HPF1: variants seen among roughly 807,000 people sequenced by gnomAD.
The protein encoded by HPF1 is UPF0609 protein C4orf27.
A neutral mutation model predicts 38.8 loss-of-function variants in HPF1; 35 were observed. That is an observed-to-expected ratio of 0.90 (90% CI 0.69 to 1.19). HPF1 has a LOEUF of 1.19. HPF1 is among the 50% of genes most tolerant of loss of function. HPF1 has a pLI of 0.00. For synonymous variants in HPF1, 115 were observed against 139.2 expected, an observed-to-expected ratio of 0.83 and a Z score of 1.22; for missense variants, 367 against 405.8, an observed-to-expected ratio of 0.90 and a Z score of 0.82.
At chr4:169,733,943 T>C (rs1007446036) in intron 6 of HPF1, among the ~76,000 whole-genome samples, 5 of 151,498 alleles carry the variant, frequency 3.3e-5, no homozygotes, top group African/African-American at 4.9e-5. Flanking sequence ...AAATATACTA[T>C]ATACTAGTGC....
At chr4:169,742,593 C>T (rs551044699) in intron 4 of HPF1, among the ~76,000 whole-genome samples, 7 of 152,128 alleles carry the variant, frequency 4.6e-5, no homozygotes, top group South Asian at 2.1e-4. Flanking sequence ...GAGATCAAGA[C>T]CATCCTGGCT....
Position 169,733,264 on chromosome 4 carries a change from T to A in HPF1, c.737-1388A>T, listed in dbSNP as rs370793792. 3.3e-5 allele frequency among the ~76,000 whole-genome samples: 5 copies of A among 152,354 alleles called. No individual in the cohort carries two copies. In the South Asian group the frequency reaches 6.2e-4, roughly 19 times the overall value. On this transcript the variant is annotated intron_variant, in intron 6 of 7. Transcript: ENST00000393381. ...ATTTTTACAAATTAACATTTCAATT[T>A]TGGCTTTCAAGATTTTTTTCATTCT...
intron 6 of HPF1, among the ~76,000 whole-genome samples, chr4:169,733,098 A>G (rs1374606391): frequency 1.3e-5 from 2 of 152,260 alleles, no homozygotes; most frequent in Non-Finnish European, 2.9e-5. Context: ...AGAAAAAGAC[A>G]ACAATGTAAG....
At position 169,750,567 on chromosome 4, in the gene HPF1, T is replaced by C. The variant is rs2150293085; in HGVS notation, c.367A>G (p.Asn123Asp). 2 of 1,610,022 alleles carry C rather than the reference T, an allele frequency of 1.2e-6. No individual in the cohort carries two copies. Among genetic ancestry groups the C allele is most frequent in the Non-Finnish European group, 1.7e-6 (2 of 1,178,704 alleles). ...TACCCCATGTGGTACTGAGTTTTAT[T>C]ATCTCCAATAATAATGGTCTGGAAC... is the stretch of plus-strand genomic sequence containing the variant. ...PEFQTIIIGD[N>D]KTQYHMGYFR... The change falls in exon 3 of 8, where the codon AAT becomes GAT. Residue 123 changes from asparagine to aspartate, a missense_variant. Physicochemically the swap from Asn to Asp is conservative, Grantham distance 23. Transcript: ENST00000393381.
At chr4:169,738,043 A>G (rs1400468156) in intron 5 of HPF1, among the ~76,000 whole-genome samples, 15 of 152,306 alleles carry the variant, frequency 9.8e-5, no homozygotes, top group Admixed American at 6.5e-4. Flanking sequence ...ACATCCTAGA[A>G]GGCAAGTCAA....
intron 6 of HPF1, among the ~76,000 whole-genome samples, chr4:169,733,708 C>A (rs1442758378): frequency 6.6e-6 from 1 of 152,038 alleles, no homozygotes; most frequent in East Asian, 1.9e-4. Flanking sequence ...CCAGCCTGGG[C>A]AATGTGGTGA....
At chr4:169,753,138 A>T (rs556196578) in intron 2 of HPF1, among the ~76,000 whole-genome samples, 1 of 147,574 alleles carries the variant, frequency 6.8e-6, no homozygotes, top group East Asian at 2.1e-4. Flanking sequence ...GGTTCAAGCA[A>T]TGATCGTGCC....
intron 7 of HPF1, among the ~76,000 whole-genome samples, chr4:169,730,478 T>C (rs746055473): frequency 2.0e-5 from 3 of 152,350 alleles, no homozygotes; most frequent in Non-Finnish European, 4.4e-5. Context: ...TAACTATCTA[T>C]GAGGTGGGCA....
rs62637696 is a variant in HPF1 at position 169,742,043 on chromosome 4, T to C, written c.562A>G (p.Ile188Val). ...DKKKINLLKN[I>V]DEKLTEAARE... ...GCTGCTTCTGTGAGTTTTTCATCTA[T>C]GTTTTTCAAGAGATTGATTTTCTTT... is the stretch of plus-strand genomic sequence containing the variant. The change falls in exon 5 of 8, where the codon ATA becomes GTA. Residue 188 changes from isoleucine (I) to valine (V), a missense_variant. Coordinates refer to ENST00000393381, the MANE Select transcript of HPF1 (RefSeq NM_017867.3). The C allele has an allele frequency of 9.0e-4, 1,444 of 1,611,232 alleles. 11 individuals are homozygous for C. The African/African-American group carries it at 0.017, about 19-fold the overall frequency.
rs779987451 is a variant in HPF1, at chr4:169,737,760, AAAG to A, written c.649-16_649-14del. The A allele has an allele frequency of 3.8e-6, 6 of 1,563,372 alleles. No homozygotes were observed. The Admixed American group carries it at 1.0e-4, about 26-fold the overall frequency. Reference sequence around the variant, plus strand: ...TCTTTGTCACAACCTACATTAAAGAAAAGAATAAAATGTAATCATGGTAAGCAG... The same window carrying A: ...TCTTTGTCACAACCTACATTAAAGAAAATAAAATGTAATCATGGTAAGCAG... On this transcript the variant is annotated splice_polypyrimidine_tract_variant and intron_variant, in intron 5 of 7. Transcript: ENST00000393381.
intron 4 of HPF1, among the ~76,000 whole-genome samples, chr4:169,744,389 G>C (rs1467615877): frequency 2.0e-5 from 3 of 152,136 alleles, no homozygotes; most frequent in Non-Finnish European, 4.4e-5. Flanking sequence ...GTAAGTTTTT[G>C]TCTCTGCCGA....
rs1227499551 is a variant in HPF1, at chr4:169,747,476, G to C, written c.497+1268C>G. Among the ~76,000 whole-genome samples the C allele has an allele frequency of 5.3e-5, 8 of 152,074 alleles. No individual in the cohort carries two copies. In the South Asian group the frequency reaches 1.2e-3, roughly 24 times the overall value. ...GCAAATTTGTATGATCAAATCACAG[G>C]GAACAACAGCCCTTTAAAGAGACAG... On this transcript the variant is annotated intron_variant, in intron 4 of 7. Coordinates refer to ENST00000393381, the MANE Select transcript of HPF1 (RefSeq NM_017867.3).
In HPF1 at chr4:169,757,873, A is replaced by T. The variant is rs1484028567; in HGVS notation, c.5T>A (p.Val2Asp). 6.4e-7 allele frequency: 1 copy of T among 1,559,160 alleles called. No homozygotes were observed. Among genetic ancestry groups the T allele is most frequent in the Admixed American group, 1.8e-5 (1 of 54,834 alleles). The change falls in exon 1 of 8, where the codon GTC becomes GAC. Residue 2 changes from valine (V) to aspartate (D), a missense_variant. By Grantham distance (152) the Val-to-Asp change is radical (BLOSUM62 -3). Coordinates refer to ENST00000393381, the MANE Select transcript of HPF1 (RefSeq NM_017867.3). M[V>D]GGGGKRRPGG... ...GGGCCTGCGCTTCCCGCCACCGCCG[A>T]CCATTCTGCAGCTGCAGCGCCAGCA...
At chr4:169,750,483 C>A (rs1734103203) in intron 3 of HPF1, 53 bp downstream of exon 3, 1 of 1,324,930 alleles carries the variant, frequency 7.5e-7, no homozygotes, top group Non-Finnish European at 1.0e-6. Flanking sequence ...AACTATTTAT[C>A]CTCATTAGCA....
chr4:169,733,843 C>T (rs1435384973), intron 6 of HPF1, among the ~76,000 whole-genome samples: 3 of 150,326 alleles, frequency 2.0e-5, no homozygotes, highest in Non-Finnish European at 2.9e-5. Context: ...TGCAGTGAGC[C>T]GTGGTCATGC....
At chr4:169,732,818 CTATT>C (rs1733846883) in intron 6 of HPF1, among the ~76,000 whole-genome samples, 1 of 152,120 alleles carries the variant, frequency 6.6e-6, no homozygotes, top group African/African-American at 2.4e-5. Flanking sequence ...AGTATAACAA[CTATT>C]TACATAGTGT....
At chr4:169,745,213 G>C (rs1734032115) in intron 4 of HPF1, among the ~76,000 whole-genome samples, 1 of 152,224 alleles carries the variant, frequency 6.6e-6, no homozygotes, top group Non-Finnish European at 1.5e-5. Flanking sequence ...GGCCTCGAGA[G>C]GCCGGGCCTA....
At chr4:169,733,816 G>A (rs1238085245) in intron 6 of HPF1, among the ~76,000 whole-genome samples, 3 of 151,136 alleles carry the variant, frequency 2.0e-5, no homozygotes, top group Non-Finnish European at 4.4e-5. Context: ...GGATCACCCA[G>A]TGCAGGAGGT....
chr4:169,734,640 C>T (rs1180817842), intron 6 of HPF1, among the ~76,000 whole-genome samples: 3 of 152,128 alleles, frequency 2.0e-5, no homozygotes, highest in African/African-American at 7.2e-5. Flanking sequence ...GTTAACTATT[C>T]AAAAATGATG....
Sources: allele counts gnomAD v4.1 joint callset (sites outside exome capture counted in the v4.1 genomes callset), GRCh38; gene constraint gnomAD v4.1.1; transcripts MANE v1.5; gene names NCBI Gene and HGNC (gene_info 2026-07-23, HGNC 2026-07-21).